Variants in PCBP3 observed in about 807,000 individuals in gnomAD.
PCBP3 encodes the protein poly(rC) binding protein 3, also known as poly(rC)-binding protein 3.
In PCBP3, 25 loss-of-function variants were observed where a neutral mutation model predicts 52.7. The ratio of observed to expected loss-of-function variants is 0.47; its 90% confidence interval spans 0.35 to 0.66. The LOEUF (loss-of-function observed/expected upper bound fraction) is 0.66. Among genes scored for constraint, PCBP3 ranks in the 30% least tolerant of loss-of-function variants. PCBP3 has a pLI of 0.01. For missense variants in PCBP3, 391 were observed against 490.3 expected (o/e 0.80, Z 1.91); for synonymous variants, 162 against 183.0 (o/e 0.89, Z 0.93).
At chr21:45,801,546 G>A (rs138732979) in intron 4 of PCBP3, among the ~76,000 whole-genome samples, 42 of 152,288 alleles carry the variant, frequency 2.8e-4, no homozygotes, top group Non-Finnish European at 4.9e-4. Context: ...TGCCCACAGC[G>A]TCTGGCCAGG....
At chr21:45,771,482 T>C (rs530492094) in intron 4 of PCBP3, among the ~76,000 whole-genome samples, 2 of 152,368 alleles carry the variant, frequency 1.3e-5, no homozygotes, top group South Asian at 4.1e-4. Context: ...TTAATCAGTA[T>C]ATTTCACCGT....
At chr21:45,708,571 A>C (rs959404215) in intron 2 of PCBP3, among the ~76,000 whole-genome samples, 2 of 152,236 alleles carry the variant, frequency 1.3e-5, no homozygotes, top group African/African-American at 4.8e-5. Context: ...ACATAGCTTC[A>C]TATAAGCAAA....
At chr21:45,905,168 C>T (rs2839047) in intron 9 of PCBP3, among the ~76,000 whole-genome samples, 50,134 of 152,026 alleles carry the variant, frequency 0.33, 9,200 homozygotes, top group East Asian at 0.68. Flanking sequence ...GAGATCCAAA[C>T]TTCGAGGCTT....
In PCBP3 at chr21:45,898,789, C is replaced by T. The variant is rs1425057178; in HGVS notation, c.166-810C>T. Among the ~76,000 whole-genome samples the T allele has an allele frequency of 1.7e-5, 2 of 114,352 alleles. 1 individual carries two copies. The highest frequency in any genetic ancestry group is 9.1e-5 in the African/African-American group (2 of 21,922). 75.0% of individuals were successfully genotyped at this position (114,352 alleles called of 152,430 possible). Reference sequence around the variant, plus strand: ...TGCCTCCACGGGCCCCTCTGCATGCCGTCCTCACGGCCTCCCTCTCTCTCC... The same window carrying T: ...TGCCTCCACGGGCCCCTCTGCATGCTGTCCTCACGGCCTCCCTCTCTCTCC... On this transcript the variant is annotated intron_variant, in intron 6 of 17. Coordinates refer to ENST00000681687, the MANE Select transcript of PCBP3 (RefSeq NM_001384156.1).
chr21:45,818,147 C>T (rs772047086), intron 4 of PCBP3, among the ~76,000 whole-genome samples: 8 of 152,154 alleles, frequency 5.3e-5, no homozygotes, highest in Non-Finnish European at 8.8e-5. Flanking sequence ...CTCAGCCTCC[C>T]GAGTAGCTGG....
chr21:45,867,506 CGGGCCGTGAAGGTTATACATGCAAAT>C (rs2094792355), intron 5 of PCBP3, among the ~76,000 whole-genome samples: 1 of 152,254 alleles, frequency 6.6e-6, no homozygotes, highest in African/African-American at 2.4e-5. Context: ...GCGGAGGGTG[CGGGCCGTGAAGGTTATACATGCAAAT>C]ATCCTTCCAC....
At chr21:45,839,624 C>T (rs1198707668) in intron 4 of PCBP3, among the ~76,000 whole-genome samples, 3 of 152,166 alleles carry the variant, frequency 2.0e-5, no homozygotes, top group Non-Finnish European at 2.9e-5. Context: ...TGTTGCTTTA[C>T]GCCATGGTGA....
In PCBP3 at chr21:45,896,267, C is replaced by T; in HGVS notation, c.70C>T (p.His24Tyr). Residue 24 changes from histidine to tyrosine, a missense_variant, in exon 6 of 18, where the codon CAC becomes TAC. Coordinates refer to ENST00000681687, the MANE Select transcript of PCBP3 (RefSeq NM_001384156.1). Reference sequence around the variant, plus strand: ...CAGCACCCTCAGCACCTTAAGCCACCACCCTCAGCCACAATTTGGCAGAAG... The same window carrying T: ...CAGCACCCTCAGCACCTTAAGCCACTACCCTCAGCCACAATTTGGCAGAAG... ...PHSTLSTLSH[H>Y]PQPQFGRRME... 2.6e-6 allele frequency: 4 copies of T among 1,552,178 alleles called. No homozygotes were observed. Among genetic ancestry groups the T allele is most frequent in the Non-Finnish European group, 3.5e-6 (4 of 1,147,076 alleles).
chr21:45,715,716 G>C (rs1339169258), intron 2 of PCBP3, among the ~76,000 whole-genome samples: 1 of 152,090 alleles, frequency 6.6e-6, no homozygotes, highest in Non-Finnish European at 1.5e-5. Flanking sequence ...ATTTTGATTG[G>C]CATTTATTTC....
intron 2 of PCBP3, among the ~76,000 whole-genome samples, chr21:45,718,920 C>T (rs149322735): frequency 1.2e-3 from 182 of 152,186 alleles, no homozygotes; most frequent in African/African-American, 3.9e-3. Context: ...TAAGACTGGC[C>T]AACAGTTTGG....
At chr21:45,913,188 C>A (rs927144818) in intron 11 of PCBP3, among the ~76,000 whole-genome samples, 2 of 152,220 alleles carry the variant, frequency 1.3e-5, no homozygotes, top group African/African-American at 4.8e-5. Flanking sequence ...AAAATGCTGG[C>A]GCTGGAGAAT....
chr21:45,822,990 G>T (rs1179518606), intron 4 of PCBP3, among the ~76,000 whole-genome samples: 1 of 152,168 alleles, frequency 6.6e-6, no homozygotes, highest in African/African-American at 2.4e-5. Flanking sequence ...CTGGGCCCTA[G>T]CGGGGGGTAA....
At chr21:45,750,916 A>C (rs1430658296) in intron 3 of PCBP3, 2 of 152,102 alleles carry the variant, frequency 1.3e-5, no homozygotes, top group African/African-American at 4.8e-5. Context: ...ATATGCACAT[A>C]TACATGCATA....
intron 12 of PCBP3, chr21:45,914,535 G>A (rs1169241864): frequency 2.2e-5 from 4 of 178,158 alleles, no homozygotes; most frequent in African/African-American, 4.7e-5. Flanking sequence ...CCGGACCTCC[G>A]TCTGCTGTGA....
At chr21:45,930,049 C>G (rs745362262) in intron 14 of PCBP3, 54 bp downstream of exon 14, 1 of 1,301,068 alleles carries the variant, frequency 7.7e-7, no homozygotes. Context: ...GGGACTTTCT[C>G]TTTCTGAGCT....
chr21:45,731,581 A>G (rs1189653685), intron 2 of PCBP3, among the ~76,000 whole-genome samples: 1 of 152,212 alleles, frequency 6.6e-6, no homozygotes, highest in African/African-American at 2.4e-5. Context: ...AACTTTTCTT[A>G]AACAACAACT....
chr21:45,867,539 C>T (rs3788219), intron 5 of PCBP3, among the ~76,000 whole-genome samples: 45,622 of 152,214 alleles, frequency 0.3, 8,363 homozygotes, highest in East Asian at 0.67. Flanking sequence ...AAATATCCTT[C>T]CACCAGCCAG....
intron 2 of PCBP3, among the ~76,000 whole-genome samples, chr21:45,706,761 G>C (rs961685935): frequency 6.6e-6 from 1 of 152,216 alleles, no homozygotes; most frequent in African/African-American, 2.4e-5. Context: ...GGGTGAGCAC[G>C]CTGCCTTTCA....
At chr21:45,814,625 T>G (rs1197824251) in intron 4 of PCBP3, among the ~76,000 whole-genome samples, 3 of 83,756 alleles carry the variant, frequency 3.6e-5, no homozygotes, top group East Asian at 3.8e-4. Context: ...TGGTGAGTGA[T>G]GAGTGGTGAG....
Sources: allele counts gnomAD v4.1 joint callset (sites outside exome capture counted in the v4.1 genomes callset), GRCh38; gene constraint gnomAD v4.1.1; transcripts MANE v1.5; gene names NCBI Gene and HGNC (gene_info 2026-07-23, HGNC 2026-07-21).